The following NRG1 variants were observed in gnomAD, a reference collection of about 807,000 sequenced individuals.
NRG1 encodes the protein pro-neuregulin-1, membrane-bound isoform.
NRG1 carries 18 observed loss-of-function variants against 63.8 expected under a neutral mutation model. That is an observed-to-expected ratio of 0.28 (90% CI 0.19 to 0.42). The LOEUF (loss-of-function observed/expected upper bound fraction) is 0.42. Ranked by LOEUF, NRG1 falls within the 10% of genes least tolerant of loss-of-function variation. The probability of loss-of-function intolerance (pLI) is 1.00; values close to 1 mark genes in which losing one functional copy is unlikely to be tolerated. For synonymous variants in NRG1, 302 were observed against 301.3 expected, an observed-to-expected ratio of 1.00 and a Z score of -0.02; for missense variants, 762 against 814.7, an observed-to-expected ratio of 0.94 and a Z score of 0.79.
At chr8:32,168,324 G>T (rs1485586952) in intron 1 of NRG1, among the ~76,000 whole-genome samples, 5 of 152,186 alleles carry the variant, frequency 3.3e-5, no homozygotes, top group African/African-American at 9.6e-5. Context: ...CAGGCATGGG[G>T]ATATATTACT....
intron 1 of NRG1, among the ~76,000 whole-genome samples, chr8:32,060,843 G>A (rs371314798): frequency 7.9e-5 from 12 of 151,864 alleles, no homozygotes; most frequent in East Asian, 1.9e-4. Context: ...TGCCTGTTAC[G>A]TTTTAAAATG....
At chr8:32,495,076 A>G (rs1419503591) in intron 1 of NRG1, among the ~76,000 whole-genome samples, 3 of 152,214 alleles carry the variant, frequency 2.0e-5, no homozygotes, top group African/African-American at 7.2e-5. Context: ...TTGCTTCTAC[A>G]TTGAAATAGA....
intron 1 of NRG1, among the ~76,000 whole-genome samples, chr8:32,276,938 C>T (rs2129472892): frequency 6.6e-6 from 1 of 152,316 alleles, no homozygotes; most frequent in South Asian, 2.1e-4. Flanking sequence ...ATCAGCTCTG[C>T]TGCCCACGTG....
rs118166674 is a variant in NRG1, at chr8:32,307,206, C to T, written c.38-288622C>T. On this transcript the variant is annotated intron_variant, in intron 1 of 10. Transcript: ENST00000519301. ...CGTCTAAAGGAGACCCTCTTTATCC[C>T]GGAGAGGAAAACCAGAGAGCAGTCA... Among the ~76,000 whole-genome samples the T allele has an allele frequency of 1.2e-3, 180 of 152,220 alleles. 7 individuals carry two copies. The East Asian group carries it at 0.028, about 24-fold the overall frequency.
At chr8:31,798,691 T>C (rs1299521447) in intron 1 of NRG1, among the ~76,000 whole-genome samples, 1 of 152,186 alleles carries the variant, frequency 6.6e-6, no homozygotes, top group African/African-American at 2.4e-5. Context: ...AATCTTTTAA[T>C]TATATGATAT....
chr8:32,072,099 A>G (rs576330714), intron 1 of NRG1, among the ~76,000 whole-genome samples: 9 of 152,250 alleles, frequency 5.9e-5, no homozygotes, highest in African/African-American at 2.2e-4. Context: ...AATTAGGTAA[A>G]CAGTATACAG....
At chr8:32,181,524 G>C (rs1841427541) in intron 1 of NRG1, among the ~76,000 whole-genome samples, 1 of 152,148 alleles carries the variant, frequency 6.6e-6, no homozygotes, top group Non-Finnish European at 1.5e-5. Flanking sequence ...GACAGCTTCT[G>C]GTAAGTTTTT....
intron 1 of NRG1, among the ~76,000 whole-genome samples, chr8:32,143,246 G>A (rs1010597309): frequency 2.0e-5 from 3 of 151,738 alleles, no homozygotes; most frequent in African/African-American, 4.8e-5. Flanking sequence ...TTTTTTTTGG[G>A]GGGGGAAGAA....
chr8:32,101,823 C>A (rs1830619078), intron 1 of NRG1, among the ~76,000 whole-genome samples: 1 of 152,174 alleles, frequency 6.6e-6, no homozygotes, highest in Non-Finnish European at 1.5e-5. Context: ...TCCTTCCCAA[C>A]TGTACCGAGA....
At chr8:32,006,970 C>A (rs1482883394) in intron 1 of NRG1, among the ~76,000 whole-genome samples, 1 of 151,276 alleles carries the variant, frequency 6.6e-6, no homozygotes, top group Non-Finnish European at 1.5e-5. Flanking sequence ...CATCTAAAAC[C>A]AGTAGCTGTT....
chr8:32,303,563 G>A (rs1277962870), intron 1 of NRG1, among the ~76,000 whole-genome samples: 1 of 152,172 alleles, frequency 6.6e-6, no homozygotes, highest in Non-Finnish European at 1.5e-5. Context: ...AGCACCGTTA[G>A]CAAAAGAACA....
chr8:32,345,352 A>G (rs556007032), intron 1 of NRG1, among the ~76,000 whole-genome samples: 1 of 152,294 alleles, frequency 6.6e-6, no homozygotes, highest in South Asian at 2.1e-4. Flanking sequence ...AGAGGACTCC[A>G]TATTCATCTT....
chr8:32,045,775 C>T (rs940182841), intron 1 of NRG1, among the ~76,000 whole-genome samples: 2 of 151,814 alleles, frequency 1.3e-5, no homozygotes, highest in South Asian at 2.1e-4. Context: ...GAAAATGCAA[C>T]CTAATCCTCA....
chr8:32,501,144 C>T (rs545418151), intron 1 of NRG1, among the ~76,000 whole-genome samples: 49 of 152,264 alleles, frequency 3.2e-4, no homozygotes, highest in African/African-American at 1.1e-3. Flanking sequence ...CAATAATTAT[C>T]TGTGAATGAC....
At chr8:32,389,682 A>C (rs1811462215) in intron 1 of NRG1, among the ~76,000 whole-genome samples, 1 of 152,008 alleles carries the variant, frequency 6.6e-6, no homozygotes, top group Non-Finnish European at 1.5e-5. Flanking sequence ...CTTTCTCTGC[A>C]ATCAGAGTGA....
At chr8:32,026,029 T>G (rs1817254696) in intron 1 of NRG1, among the ~76,000 whole-genome samples, 1 of 152,014 alleles carries the variant, frequency 6.6e-6, no homozygotes. Flanking sequence ...TTTTATCAGT[T>G]AGGTTTACAT....
intron 1 of NRG1, among the ~76,000 whole-genome samples, chr8:32,262,451 G>C (rs531948631): frequency 5.9e-5 from 9 of 152,146 alleles, no homozygotes; most frequent in African/African-American, 1.9e-4. Flanking sequence ...AAGTACTAGC[G>C]GTTTTGTAGA....
At chr8:32,177,041 T>C (rs1177394545) in intron 1 of NRG1, among the ~76,000 whole-genome samples, 1 of 152,174 alleles carries the variant, frequency 6.6e-6, no homozygotes, top group Non-Finnish European at 1.5e-5. Context: ...ATGTTTATTG[T>C]GGCACTATTC....
chr8:32,740,042 A>T (rs1825951862), intron 6 of NRG1, among the ~76,000 whole-genome samples: 1 of 152,166 alleles, frequency 6.6e-6, no homozygotes, highest in African/African-American at 2.4e-5. Context: ...AACAAATAAA[A>T]ACCCTATTTA....
Sources: gnomAD v4.1 joint callset for allele counts (sites outside exome capture counted in the v4.1 genomes callset) on GRCh38, gnomAD v4.1.1 for gene constraint, MANE v1.5 for transcripts, NCBI Gene and HGNC (gene_info 2026-07-23, HGNC 2026-07-21) for gene names.